Variants in FKBP9 observed in about 807,000 individuals in gnomAD.
The protein encoded by FKBP9 is FKBP prolyl isomerase 9.
A neutral mutation model predicts 55.6 loss-of-function variants in FKBP9; 27 were observed. The observed-to-expected ratio is 0.49, with a 90% confidence interval of 0.36 to 0.67. The LOEUF is 0.67. FKBP9 is among the 30% of genes least tolerant of loss of function. The probability of loss-of-function intolerance (pLI) is 0.00; values close to 1 mark genes in which losing one functional copy is unlikely to be tolerated. For missense variants in FKBP9, 539 were observed against 742.8 expected (o/e 0.73, Z 3.19); for synonymous variants, 267 against 296.5 (o/e 0.90, Z 1.02).
At chr7:32,966,606 G>T (rs1303466332) in intron 1 of FKBP9, among the ~76,000 whole-genome samples, 1 of 152,186 alleles carries the variant, frequency 6.6e-6, no homozygotes, top group Admixed American at 6.5e-5. Flanking sequence ...TTGGGACATT[G>T]TGATAAGCCA....
At chr7:32,967,791 A>G (rs1784175729) in intron 1 of FKBP9, among the ~76,000 whole-genome samples, 2 of 151,858 alleles carry the variant, frequency 1.3e-5, no homozygotes, top group South Asian at 2.1e-4. Context: ...TTTCGCTCTT[A>G]TTGCCTGGGC....
At chr7:32,996,018 G>A in intron 6 of FKBP9, 145 bp from the exon 7 acceptor site, 1 of 636,500 alleles carries the variant, frequency 1.6e-6, no homozygotes, top group South Asian at 1.9e-5. Context: ...TTCAGCGTCA[G>A]TCTTGGAGTC....
Position 32,975,454 on chromosome 7 carries a change from A to T in FKBP9, c.557+83A>T, listed in dbSNP as rs977866571. ...TCTGTCTTACTTGCTTTTTATGCTG[A>T]TGGGGATACCAGAATAAGGACTCTT... On this transcript the variant is annotated intron_variant, in intron 3 of 9. Transcript: ENST00000242209. 17 of 1,099,128 alleles carry T rather than the reference A, an allele frequency of 1.5e-5. No individual in the cohort carries two copies. The African/African-American group carries it at 2.6e-4, about 17-fold the overall frequency. 68.1% of individuals were successfully genotyped at this position (1,099,128 alleles called of 1,614,324 possible).
At position 32,985,170 on chromosome 7, in the gene FKBP9, C is replaced by CTTTTTT; in HGVS notation, c.894-3334_894-3333insTTTTTT. On this transcript the variant is annotated intron_variant, in intron 5 of 9. Coordinates refer to ENST00000242209, the MANE Select transcript of FKBP9 (RefSeq NM_007270.5). Reference sequence around the variant, plus strand: ...CAGTGTTACTAATTTCTTTTTCTTTCTTTCTTTCTTTTTTTTTTTTTTTGA... The same window carrying CTTTTTT: ...CAGTGTTACTAATTTCTTTTTCTTTCTTTTTTTTTCTTTCTTTTTTTTTTTTTTTGA... 1.7e-5 allele frequency among the ~76,000 whole-genome samples: 2 copies of CTTTTTT among 117,794 alleles called. 1 individual carries two copies. The highest frequency in any genetic ancestry group is 1.1e-3 in the East Asian group (2 of 1,848). 77.3% of individuals were successfully genotyped at this position (117,794 alleles called of 152,430 possible).
Position 33,005,423 on chromosome 7 carries a change from G to A in FKBP9, c.*72G>A, listed in dbSNP as rs1285951593. On this transcript the variant is annotated 3_prime_UTR_variant, in exon 10 of 10. Transcript: ENST00000242209. Reference sequence around the variant, plus strand: ...ACCTGTGTGGCAAGACGTGCAGTGAGGGTGCAAGGGTCTCTCAGAAGTTGC... The same window carrying A: ...ACCTGTGTGGCAAGACGTGCAGTGAAGGTGCAAGGGTCTCTCAGAAGTTGC... 6 of 1,543,172 alleles carry A rather than the reference G, an allele frequency of 3.9e-6. No homozygotes were observed. The highest frequency in any genetic ancestry group is 3.6e-5 in the Admixed American group (2 of 54,930).
At chr7:33,001,656 T>A (rs1784938128) in intron 8 of FKBP9, among the ~76,000 whole-genome samples, 1 of 152,052 alleles carries the variant, frequency 6.6e-6, no homozygotes, top group Non-Finnish European at 1.5e-5. Context: ...TTTGGAATAA[T>A]ACACATTACC....
chr7:33,005,701 T>C lies in FKBP9; in HGVS notation c.*350T>C, dbSNP rs180993789. The C allele has an allele frequency of 3.9e-6, 1 of 254,854 alleles. No individual in the cohort carries two copies. The highest frequency in any genetic ancestry group is 5.1e-5 in the Admixed American group (1 of 19,468). The allele number at this position is 254,854 out of a possible 1,614,324, so 15.8% of individuals were successfully genotyped here. A position where few individuals can be genotyped will look rare whatever the true frequency, so the allele number is the denominator to read the frequency against. ...AGTTATAATCATCTTGGAGGAACCATAAGAAAAGGTGTCCAGGGTATCTAT... is the reference window on the plus strand; with the variant it reads ...AGTTATAATCATCTTGGAGGAACCACAAGAAAAGGTGTCCAGGGTATCTAT... On this transcript the variant is annotated 3_prime_UTR_variant, in exon 10 of 10. Coordinates refer to ENST00000242209, the MANE Select transcript of FKBP9 (RefSeq NM_007270.5).
chr7:32,972,685 A>G (rs535382096), intron 1 of FKBP9, among the ~76,000 whole-genome samples: 4 of 152,278 alleles, frequency 2.6e-5, no homozygotes, highest in African/African-American at 9.6e-5. Flanking sequence ...ATGTAAGTTG[A>G]AAACGGAGTG....
chr7:33,006,120 CAG>C lies in FKBP9; in HGVS notation c.*772_*773del, dbSNP rs1780273936. ...TTTTTTTTTTTTTTTTTTCTGGAGG[CAG>C]AGTCTCCCTTTGTCGCCAGGCTGGA... is the stretch of plus-strand genomic sequence containing the variant. On this transcript the variant is annotated 3_prime_UTR_variant, in exon 10 of 10. Transcript: ENST00000242209. The C allele has an allele frequency of 1.4e-5, 2 of 143,902 alleles. No individual in the cohort carries two copies. The highest frequency in any genetic ancestry group is 2.5e-5 in the Non-Finnish European group (2 of 79,214). The allele number at this position is 143,902 out of a possible 1,614,324, so 8.9% of individuals were successfully genotyped here.
chr7:33,002,598 G>T, intron 8 of FKBP9, 78 bp from the exon 9 acceptor site: 1 of 1,573,036 alleles, frequency 6.4e-7, no homozygotes, highest in Non-Finnish European at 8.6e-7. Flanking sequence ...GCTGCTGGAG[G>T]TTGGGGTGGG....
chr7:33,004,693 A>G (rs898943621), intron 9 of FKBP9, among the ~76,000 whole-genome samples: 4 of 151,994 alleles, frequency 2.6e-5, no homozygotes, highest in Non-Finnish European at 5.9e-5. Context: ...ACCTATTTTT[A>G]TGTTCATGTC....
At chr7:33,001,239 G>A (rs781623646) in intron 8 of FKBP9, among the ~76,000 whole-genome samples, 3 of 152,122 alleles carry the variant, frequency 2.0e-5, no homozygotes, top group Non-Finnish European at 4.4e-5. Context: ...CAGAAGAAAC[G>A]CTTTAAAAAT....
intron 1 of FKBP9, among the ~76,000 whole-genome samples, chr7:32,971,456 C>T (rs1247405509): frequency 6.6e-6 from 1 of 151,864 alleles, no homozygotes; most frequent in Middle Eastern, 3.2e-3. Context: ...TTCCTTTCTT[C>T]CTTTCTTTCT....
chr7:32,989,546 G>T (rs1474636164), intron 6 of FKBP9, among the ~76,000 whole-genome samples: 1 of 151,960 alleles, frequency 6.6e-6, no homozygotes, highest in Non-Finnish European at 1.5e-5. Context: ...CTCCCAAGTA[G>T]CTGGGACTAC....
intron 6 of FKBP9, among the ~76,000 whole-genome samples, chr7:32,990,694 A>G (rs1784663340): frequency 6.6e-6 from 1 of 152,232 alleles, no homozygotes; most frequent in Non-Finnish European, 1.5e-5. Flanking sequence ...TATGCTATGT[A>G]TTTTAATGGC....
intron 1 of FKBP9, 31 bp from the exon 2 acceptor site, chr7:32,974,586 C>A: frequency 1.9e-6 from 3 of 1,600,234 alleles, no homozygotes; most frequent in South Asian, 1.1e-5. Context: ...TTATACTTTT[C>A]TTTCTCTTTC....
intron 6 of FKBP9, among the ~76,000 whole-genome samples, chr7:32,993,490 T>C (rs1008225789): frequency 7.2e-5 from 11 of 152,220 alleles, no homozygotes; most frequent in African/African-American, 1.4e-4. Flanking sequence ...CTTATTTTAC[T>C]TAGCATAATG....
intron 4 of FKBP9, among the ~76,000 whole-genome samples, chr7:32,978,593 A>G (rs1462275049): frequency 2.6e-5 from 4 of 151,910 alleles, no homozygotes; most frequent in Non-Finnish European, 5.9e-5. Flanking sequence ...CCTGGACTCA[A>G]GCGATCCTCC....
intron 1 of FKBP9, among the ~76,000 whole-genome samples, chr7:32,959,487 G>C (rs1380130485): frequency 6.6e-6 from 1 of 152,166 alleles, no homozygotes; most frequent in Non-Finnish European, 1.5e-5. Flanking sequence ...TGCCCATTTG[G>C]TGTGTACAAT....
Sources: allele counts gnomAD v4.1 joint callset (sites outside exome capture counted in the v4.1 genomes callset), GRCh38; gene constraint gnomAD v4.1.1; transcripts MANE v1.5; gene names NCBI Gene and HGNC (gene_info 2026-07-23, HGNC 2026-07-21).